BDNF: variants seen among roughly 807,000 people sequenced by gnomAD.
The protein encoded by BDNF is brain derived neurotrophic factor, also known as neurotrophic factor BDNF precursor form.
Under a neutral mutation model 19.5 loss-of-function variants are expected in BDNF, and 1 was observed. The ratio of observed to expected loss-of-function variants is 0.05; its 90% CI spans 0.02 to 0.24. BDNF has a LOEUF of 0.24. Among genes scored for constraint, BDNF ranks in the 10% least tolerant of loss-of-function variants. The pLI, the probability that BDNF is intolerant of heterozygous loss-of-function variation, is 1.00. For missense variants in BDNF, 195 were observed against 317.6 expected (o/e 0.61, Z 2.93); for synonymous variants, 100 against 121.6 (o/e 0.82, Z 1.17).
chr11:27,660,069 T>G, intron 1 of BDNF: 1 of 480,272 alleles, frequency 2.1e-6, no homozygotes, highest in South Asian at 3.1e-5. Flanking sequence ...GACACATACA[T>G]GCAATGGCCA....
intron 1 of BDNF, among the ~76,000 whole-genome samples, chr11:27,671,718 C>T (rs1297047962): frequency 6.6e-6 from 1 of 152,168 alleles, no homozygotes; most frequent in Non-Finnish European, 1.5e-5. Flanking sequence ...TGAAACCTTA[C>T]TTCTCAATGT....
rs1302700033 is a variant in BDNF, at chr11:27,658,766, G to T, written c.-21-181C>A. 7 of 1,481,122 alleles carry T rather than the reference G, an allele frequency of 4.7e-6. No homozygotes were observed. Among genetic ancestry groups the T allele is most frequent in the Non-Finnish European group, 6.3e-6 (7 of 1,117,824 alleles). 91.7% of individuals were successfully genotyped at this position (1,481,122 alleles called of 1,614,324 possible). A position where few individuals can be genotyped will look rare whatever the true frequency, so the allele number is the denominator to read the frequency against. On this transcript the variant is annotated intron_variant, in intron 1 of 1. Transcript: ENST00000356660. The surrounding 1 kb of genome is among the most constrained non-coding windows in gnomAD (Gnocchi z 5.7). ...CAGTGTCAGTAGTGTGCTGTATGTGGTTTAATATAAACCAGAGACATGCAG... is the reference window on the plus strand; with the variant it reads ...CAGTGTCAGTAGTGTGCTGTATGTGTTTTAATATAAACCAGAGACATGCAG...
At chr11:27,681,422 T>G (rs1207752380) in intron 1 of BDNF, among the ~76,000 whole-genome samples, 4 of 152,194 alleles carry the variant, frequency 2.6e-5, no homozygotes, top group Non-Finnish European at 5.9e-5. Context: ...CAATAATGTT[T>G]TGTTATATAA....
At chr11:27,720,804 C>T (rs1860717783) in intron 1 of BDNF, 4 of 988,052 alleles carry the variant, frequency 4.0e-6, no homozygotes, top group African/African-American at 3.5e-5. Flanking sequence ...CTTCCACTTC[C>T]TTACGGTTTG....
At chr11:27,707,069 C>T (rs1251921767) in intron 1 of BDNF, among the ~76,000 whole-genome samples, 1 of 152,150 alleles carries the variant, frequency 6.6e-6, no homozygotes, top group East Asian at 1.9e-4. Flanking sequence ...TTATTATATA[C>T]TGATATAATT....
At chr11:27,718,831 G>C (rs1045439890) in intron 1 of BDNF, among the ~76,000 whole-genome samples, 1 of 151,982 alleles carries the variant, frequency 6.6e-6, no homozygotes, top group Non-Finnish European at 1.5e-5. Context: ...TAAAACAGTG[G>C]TCTTGAGTTT....
At chr11:27,699,574 G>T (rs1859642986) in intron 1 of BDNF, 1 of 1,508,616 alleles carries the variant, frequency 6.6e-7, no homozygotes, top group South Asian at 1.3e-5. Context: ...GTTCCCAGCG[G>T]TAGGAATTCC....
chr11:27,678,738 T>C (rs952750652), intron 1 of BDNF, among the ~76,000 whole-genome samples: 1 of 152,102 alleles, frequency 6.6e-6, no homozygotes, highest in African/African-American at 2.4e-5. Flanking sequence ...TTGAAAAGTC[T>C]CCCTAGAGGA....
chr11:27,710,625 T>C (rs139992782), intron 1 of BDNF, among the ~76,000 whole-genome samples: 1 of 152,350 alleles, frequency 6.6e-6, no homozygotes, highest in East Asian at 1.9e-4. Context: ...TTTTAGACTG[T>C]GCTTGTCCAT....
rs574414545 is a variant in BDNF at position 27,657,706 on chromosome 11, T to C, written c.*115A>G. On this transcript the variant is annotated 3_prime_UTR_variant, in exon 2 of 2. Transcript: ENST00000356660. This position sits in a 1 kb window ranked among gnomAD's most constrained non-coding sequence, Gnocchi z 5.0. ...CACTGTACTGTATAAACTTCATTTA[T>C]ACATGCAGTTCATAAAATTATTTTT... 2.4e-5 allele frequency: 36 copies of C among 1,515,882 alleles called. 1 individual carries two copies. In the South Asian group the frequency reaches 4.5e-4, roughly 19 times the overall value. 93.9% of individuals were successfully genotyped at this position (1,515,882 alleles called of 1,614,324 possible).
chr11:27,673,562 T>G (rs913822957), intron 1 of BDNF, among the ~76,000 whole-genome samples: 2 of 152,174 alleles, frequency 1.3e-5, no homozygotes, highest in Admixed American at 6.5e-5. Context: ...ATTCTGGCAG[T>G]TGAGAGCCAA....
chr11:27,679,734 G>T (rs1856615769), intron 1 of BDNF, among the ~76,000 whole-genome samples: 1 of 152,182 alleles, frequency 6.6e-6, no homozygotes, highest in Non-Finnish European at 1.5e-5. Context: ...AACTATTTAT[G>T]TGAACAAAGG....
intron 1 of BDNF, among the ~76,000 whole-genome samples, chr11:27,663,663 G>T (rs1421493473): frequency 1.3e-5 from 2 of 152,178 alleles, no homozygotes; most frequent in East Asian, 3.8e-4. Context: ...ATGCCATAAA[G>T]CTAGTAGGTC....
intron 1 of BDNF, among the ~76,000 whole-genome samples, chr11:27,661,251 C>T (rs938569113): frequency 6.6e-6 from 1 of 152,210 alleles, no homozygotes; most frequent in African/African-American, 2.4e-5. Flanking sequence ...ACTTGTAAGG[C>T]CTTGAAGTTA....
intron 1 of BDNF, among the ~76,000 whole-genome samples, chr11:27,682,004 G>T (rs1856887942): frequency 6.6e-6 from 1 of 152,062 alleles, no homozygotes; most frequent in Non-Finnish European, 1.5e-5. Flanking sequence ...TTTCTAATTA[G>T]AAAATTTATT....
chr11:27,686,196 T>C (rs536148282), intron 1 of BDNF, among the ~76,000 whole-genome samples: 88 of 152,322 alleles, frequency 5.8e-4, no homozygotes, highest in Non-Finnish European at 6.0e-4. Context: ...AAGTCTGTTT[T>C]ATCAGAGACT....
intron 1 of BDNF, among the ~76,000 whole-genome samples, chr11:27,715,735 G>C (rs1408773654): frequency 2.6e-5 from 4 of 152,176 alleles, no homozygotes; most frequent in Non-Finnish European, 4.4e-5. Flanking sequence ...AAGACTCTGA[G>C]TTAGTCTTTA....
intron 1 of BDNF, among the ~76,000 whole-genome samples, chr11:27,687,009 T>G (rs1009997934): frequency 6.6e-6 from 1 of 152,206 alleles, no homozygotes; most frequent in Non-Finnish European, 1.5e-5. Context: ...TTTTCCAACT[T>G]GGTTCCATTG....
intron 1 of BDNF, among the ~76,000 whole-genome samples, chr11:27,665,953 A>C (rs758753629): frequency 3.3e-5 from 5 of 152,158 alleles, no homozygotes; most frequent in Non-Finnish European, 5.9e-5. Context: ...ATATCTGAGA[A>C]TGGACAGTCT....
Sources: allele counts gnomAD v4.1 joint callset (sites outside exome capture counted in the v4.1 genomes callset), GRCh38; gene constraint gnomAD v4.1.1; non-coding constraint Gnocchi (gnomAD v3.1); transcripts MANE v1.5; gene names NCBI Gene and HGNC (gene_info 2026-07-23, HGNC 2026-07-21).